QSER1: variants seen among roughly 807,000 people sequenced by gnomAD.
The protein encoded by QSER1 is glutamine and serine-rich protein 1.
A neutral mutation model predicts 158.5 loss-of-function variants in QSER1; 49 were observed. The observed-to-expected ratio is 0.31, with a 90% CI of 0.25 to 0.39. The LOEUF (loss-of-function observed/expected upper bound fraction) is 0.39. Ranked by LOEUF, QSER1 falls within the 10% of genes least tolerant of loss-of-function variation. The probability of loss-of-function intolerance (pLI) is 1.00; values close to 1 mark genes in which losing one functional copy is unlikely to be tolerated. For missense variants in QSER1, 1,754 were observed against 2,010.3 expected, an observed-to-expected ratio of 0.87 and a Z score of 2.44; for synonymous variants, 650 against 715.5, an observed-to-expected ratio of 0.91 and a Z score of 1.46.
chr11:32,965,474 A>AT (rs1852723665), intron 8 of QSER1, among the ~76,000 whole-genome samples: 1 of 152,194 alleles, frequency 6.6e-6, no homozygotes, highest in African/African-American at 2.4e-5. Context: ...ATGTCTAGGA[A>AT]TAAAAAGGAA....
intron 8 of QSER1, among the ~76,000 whole-genome samples, chr11:32,958,673 C>A (rs533094170): frequency 1.3e-4 from 20 of 152,238 alleles, no homozygotes; most frequent in African/African-American, 3.9e-4. Flanking sequence ...TGAGCCACTG[C>A]GCCCCACCTA....
At chr11:32,955,935 G>T in intron 6 of QSER1, 53 bp from the exon 7 acceptor site, 1 of 1,500,344 alleles carries the variant, frequency 6.7e-7, no homozygotes, top group Non-Finnish European at 9.1e-7. Context: ...AAACAAAGTA[G>T]CATTTGTATC....
In QSER1 at chr11:32,893,293, T is replaced by TGGCAGCTGCAGTAGC. The variant is rs1851508612; in HGVS notation, c.175_189dup (p.Cys59_Ser63dup). ...CCGCCGCCAGCAGCAGCTGCAGCAG[T>TGGCAGCTGCAGTAGC]GGCAGCTGCAGTAGCGGCAGCAGCC... is the stretch of plus-strand genomic sequence containing the variant. On this transcript the variant is annotated inframe_insertion, in exon 1 of 13. Transcript: ENST00000650167. The surrounding 1 kb of genome is among the most constrained non-coding windows in gnomAD (Gnocchi z 4.7). The TGGCAGCTGCAGTAGC allele has an allele frequency of 6.5e-6, 1 of 153,374 alleles. No homozygotes were observed. The highest frequency in any genetic ancestry group is 2.4e-5 in the African/African-American group (1 of 41,288). The allele number at this position is 153,374 out of a possible 1,614,324, so 9.5% of individuals were successfully genotyped here.
At chr11:32,911,880 T>C (rs540283469) in intron 1 of QSER1, among the ~76,000 whole-genome samples, 10 of 152,364 alleles carry the variant, frequency 6.6e-5, no homozygotes, top group Admixed American at 1.3e-4. Context: ...GTTACTCATT[T>C]ATTTCTGTGA....
At chr11:32,973,313 A>C in intron 10 of QSER1, 84 bp from the exon 11 acceptor site, 1 of 1,435,992 alleles carries the variant, frequency 7.0e-7, no homozygotes, top group South Asian at 1.2e-5. Flanking sequence ...TTGTGTGCAC[A>C]CACACTTCTA....
intron 4 of QSER1, among the ~76,000 whole-genome samples, chr11:32,946,319 T>G (rs924526628): frequency 1.3e-5 from 2 of 152,212 alleles, no homozygotes; most frequent in African/African-American, 4.8e-5. Context: ...CGCTCTGATT[T>G]TTAGAGTTTC....
At chr11:32,954,252 C>T in intron 5 of QSER1, 73 bp downstream of exon 5, 2 of 1,496,636 alleles carry the variant, frequency 1.3e-6, no homozygotes, top group South Asian at 2.6e-5. Flanking sequence ...ATTATGACTT[C>T]AATAGCATGC....
At chr11:32,914,798 A>G (rs1052114733) in intron 1 of QSER1, among the ~76,000 whole-genome samples, 3 of 152,210 alleles carry the variant, frequency 2.0e-5, no homozygotes, top group Non-Finnish European at 2.9e-5. Flanking sequence ...TGCCTCAGCT[A>G]TATCTGCTTT....
intron 3 of QSER1, among the ~76,000 whole-genome samples, chr11:32,929,042 T>G (rs1360850797): frequency 6.6e-6 from 1 of 152,218 alleles, no homozygotes; most frequent in African/African-American, 2.4e-5. Flanking sequence ...TCTGTTAATA[T>G]TTCTGTGAAG....
In QSER1 at chr11:32,893,054, C is replaced by G. The variant is rs1360214438; in HGVS notation, c.-72C>G. ...CCTCTTCCTCCCCCGCCCCCTCTCC[C>G]TGCCCGCCCCCGTCACACGGAGCCC... On this transcript the variant is annotated 5_prime_UTR_variant, in exon 1 of 13. Coordinates refer to ENST00000650167, the MANE Select transcript of QSER1 (RefSeq NM_001076786.3). The surrounding 1 kb of genome is among the most constrained non-coding windows in gnomAD (Gnocchi z 4.7). 6.9e-6 allele frequency: 1 copy of G among 144,048 alleles called. No individual in the cohort carries two copies. The highest frequency in any genetic ancestry group is 1.5e-5 in the Non-Finnish European group (1 of 64,862). The allele number at this position is 144,048 out of a possible 1,614,324, so 8.9% of individuals were successfully genotyped here. A position where few individuals can be genotyped will look rare whatever the true frequency, so the allele number is the denominator to read the frequency against.
chr11:32,898,545 G>T (rs1004123146), intron 1 of QSER1, among the ~76,000 whole-genome samples: 5 of 151,290 alleles, frequency 3.3e-5, no homozygotes, highest in African/African-American at 9.7e-5. Flanking sequence ...AATGTGCTCT[G>T]TATGGCTCTG....
Position 32,976,547 on chromosome 11 carries a change from A to G in QSER1, c.*73A>G, listed in dbSNP as rs1852981763. 2 of 1,530,402 alleles carry G rather than the reference A, an allele frequency of 1.3e-6. No individual in the cohort carries two copies. The highest frequency in any genetic ancestry group is 2.3e-5 in the East Asian group (1 of 43,626). 94.8% of individuals were successfully genotyped at this position (1,530,402 alleles called of 1,614,324 possible). On this transcript the variant is annotated 3_prime_UTR_variant, in exon 13 of 13. Transcript: ENST00000650167. ...ATATGGGGTGGTCAAAGATAATCAGATGTCAAGTAGTGGCCTTCTGCAGGC... is the reference window on the plus strand; with the variant it reads ...ATATGGGGTGGTCAAAGATAATCAGGTGTCAAGTAGTGGCCTTCTGCAGGC...
At chr11:32,898,187 C>G (rs1590704110) in intron 1 of QSER1, among the ~76,000 whole-genome samples, 1 of 152,300 alleles carries the variant, frequency 6.6e-6, no homozygotes, top group South Asian at 2.1e-4. Context: ...CATTTTTAAA[C>G]ATCTGTAATA....
Position 32,953,904 on chromosome 11 carries a change from AC to A in QSER1, c.4226del (p.Thr1409MetfsTer24). The A allele has an allele frequency of 1.2e-6, 2 of 1,614,192 alleles. No individual in the cohort carries two copies. The highest frequency in any genetic ancestry group is 1.7e-6 in the Non-Finnish European group (2 of 1,180,010). On this transcript the variant is annotated frameshift_variant, in exon 5 of 13. Transcript: ENST00000650167. LOFTEE classifies it high-confidence loss of function. ...TTSPTANTTG[T>X]ATTSSTTVGA... is the part of the protein sequence containing the mutation. Reference sequence around the variant, plus strand: ...TAGCCCAACTGCCAATACTACTGGTACTGCTACTACTTCCTCAACCACTGTG... The same window carrying A: ...TAGCCCAACTGCCAATACTACTGGTATGCTACTACTTCCTCAACCACTGTG...
At chr11:32,915,936 A>T (rs1168219926) in intron 1 of QSER1, among the ~76,000 whole-genome samples, 29 of 144,142 alleles carry the variant, frequency 2.0e-4, no homozygotes, top group African/African-American at 6.8e-4. Context: ...TTTTTTTTTG[A>T]GATGGAGTTT....
chr11:32,919,040 G>C (rs1283199652), intron 1 of QSER1, among the ~76,000 whole-genome samples: 1 of 152,132 alleles, frequency 6.6e-6, no homozygotes, highest in Admixed American at 6.6e-5. Flanking sequence ...TATTAATACA[G>C]TATTATTAAC....
intron 4 of QSER1, among the ~76,000 whole-genome samples, chr11:32,945,642 C>T (rs1331964821): frequency 2.6e-5 from 4 of 151,150 alleles, no homozygotes; most frequent in African/African-American, 4.9e-5. Flanking sequence ...GAGGGTAACC[C>T]GACCTTTCTC....
At chr11:32,953,553 G>T (rs571766132) in intron 4 of QSER1, among the ~76,000 whole-genome samples, 1 of 152,106 alleles carries the variant, frequency 6.6e-6, no homozygotes, top group Admixed American at 6.5e-5. Context: ...TGGGACTACA[G>T]GTGTGAGCCA....
intron 8 of QSER1, among the ~76,000 whole-genome samples, chr11:32,965,944 A>AACACAC (rs5790910): frequency 0.064 from 7,881 of 123,522 alleles, 348 homozygotes; most frequent in South Asian, 0.095. Context: ...TCTGTCTCAA[A>AACACAC]ACACACACAC....
Sources: allele counts gnomAD v4.1 joint callset (sites outside exome capture counted in the v4.1 genomes callset), GRCh38; gene constraint gnomAD v4.1.1; non-coding constraint Gnocchi (gnomAD v3.1); transcripts MANE v1.5; gene names NCBI Gene and HGNC (gene_info 2026-07-23, HGNC 2026-07-21).